The following STPG2 variants were observed in gnomAD, a reference collection of about 807,000 sequenced individuals.
STPG2 encodes sperm tail PG-rich repeat containing 2, also known as sperm-tail PG-rich repeat-containing protein 2.
A neutral mutation model predicts 54.2 loss-of-function variants in STPG2; 56 were observed. That is an observed-to-expected ratio of 1.03 (90% CI 0.83 to 1.29). The LOEUF (loss-of-function observed/expected upper bound fraction) is 1.29. Among genes scored for constraint, STPG2 ranks in the 50% most tolerant of loss-of-function variants. The pLI is 0.00. For missense variants in STPG2, 596 were observed against 544.9 expected (o/e 1.09, Z -0.93); for synonymous variants, 200 against 181.8 (o/e 1.10, Z -0.81).
chr4:97,580,107 G>A (rs535800979), intron 10 of STPG2, among the ~76,000 whole-genome samples: 80 of 151,826 alleles, frequency 5.3e-4, no homozygotes, highest in African/African-American at 1.3e-3. Context: ...CTAATTAACC[G>A]AAGTCAAAAT....
chr4:97,531,410 A>T lies in STPG2; in HGVS notation c.462+181289T>A, dbSNP rs1291110012. Among the ~76,000 whole-genome samples, 3 of 152,228 alleles carry T rather than the reference A, an allele frequency of 2.0e-5. No homozygotes were observed. The East Asian group carries it at 5.8e-4, about 29-fold the overall frequency. ...ACTGAAGAGATATATCTGCTTTCCT[A>T]TACTTGTTGCAGCACTGTTCACAAT... On this transcript the variant is annotated intron_variant, in intron 4 of 4. Coordinates refer to the STPG2 transcript ENST00000522676.
At chr4:97,658,004 T>C (rs1245134198) in intron 10 of STPG2, among the ~76,000 whole-genome samples, 6 of 152,218 alleles carry the variant, frequency 3.9e-5, no homozygotes, top group Non-Finnish European at 8.8e-5. Context: ...GATGAGATTT[T>C]ACAAGAAGAA....
In STPG2 at chr4:97,967,552, T is replaced by C. The variant is rs530101410; in HGVS notation, c.933+4728A>G. Among the ~76,000 whole-genome samples the C allele has an allele frequency of 2.0e-5, 3 of 152,228 alleles. No individual in the cohort carries two copies. The South Asian group carries it at 6.2e-4, about 32-fold the overall frequency. Reference sequence around the variant, plus strand: ...CTCTCCACCCCAAATCAACAGAATATACATTCTTCTCAGCACCACACTGCA... The same window carrying C: ...CTCTCCACCCCAAATCAACAGAATACACATTCTTCTCAGCACCACACTGCA... On this transcript the variant is annotated intron_variant, in intron 7 of 10. Transcript: ENST00000295268.
chr4:98,010,377 C>A (rs1240550373), intron 5 of STPG2, among the ~76,000 whole-genome samples: 1 of 151,994 alleles, frequency 6.6e-6, no homozygotes, highest in Non-Finnish European at 1.5e-5. Context: ...ATATAATGAC[C>A]TTCTTTGTCT....
chr4:97,810,402 T>G (rs1420919354), intron 9 of STPG2, among the ~76,000 whole-genome samples: 1 of 149,402 alleles, frequency 6.7e-6, no homozygotes, highest in Non-Finnish European at 1.5e-5. Context: ...GGGCAGAGGT[T>G]GCAGTGAGCC....
chr4:97,609,649 T>C (rs1733684744), intron 10 of STPG2, among the ~76,000 whole-genome samples: 2 of 151,978 alleles, frequency 1.3e-5, no homozygotes, highest in Admixed American at 1.3e-4. Flanking sequence ...AATGGGGATG[T>C]TTGTAATGCC....
intron 8 of STPG2, among the ~76,000 whole-genome samples, chr4:97,866,200 C>G (rs1275150123): frequency 2.0e-5 from 3 of 151,784 alleles, no homozygotes; most frequent in Non-Finnish European, 2.9e-5. Flanking sequence ...AACAGGGTAA[C>G]TACAGTCAAC....
chr4:98,058,987 A>T (rs1737562867), intron 5 of STPG2, among the ~76,000 whole-genome samples: 1 of 151,944 alleles, frequency 6.6e-6, no homozygotes, highest in South Asian at 2.1e-4. Context: ...AGACAAAAAA[A>T]AAAAAACAGA....
At chr4:98,010,246 CTT>C (rs1270933863) in intron 5 of STPG2, among the ~76,000 whole-genome samples, 1 of 152,072 alleles carries the variant, frequency 6.6e-6, no homozygotes, top group African/African-American at 2.4e-5. Context: ...AAAATTCCCT[CTT>C]GACACTGCTT....
At chr4:97,715,090 G>T (rs917059709) in intron 9 of STPG2, among the ~76,000 whole-genome samples, 1 of 152,080 alleles carries the variant, frequency 6.6e-6, no homozygotes, top group African/African-American at 2.4e-5. Context: ...CTCCATTTTA[G>T]CACTTAGCCT....
intron 9 of STPG2, among the ~76,000 whole-genome samples, chr4:97,763,013 C>A (rs941517494): frequency 1.3e-5 from 2 of 152,018 alleles, no homozygotes; most frequent in Non-Finnish European, 2.9e-5. Context: ...CCCATTGTTG[C>A]CGTAACAAAC....
intron 10 of STPG2, among the ~76,000 whole-genome samples, chr4:97,615,952 A>G (rs72890850): frequency 0.13 from 19,669 of 147,628 alleles, 3,907 homozygotes; most frequent in African/African-American, 0.43. Flanking sequence ...TAGAAGAATC[A>G]CTTGAACCTG....
intron 8 of STPG2, among the ~76,000 whole-genome samples, chr4:97,854,145 C>T (rs113153365): frequency 1.3e-5 from 2 of 152,078 alleles, no homozygotes; most frequent in Admixed American, 6.6e-5. Flanking sequence ...TTTTAGCATC[C>T]GTCTATCAGC....
At chr4:97,562,650 A>C (rs1271329245) in intron 10 of STPG2, among the ~76,000 whole-genome samples, 2 of 152,126 alleles carry the variant, frequency 1.3e-5, no homozygotes, top group African/African-American at 4.8e-5. Context: ...TTTTAGCATG[A>C]AGGGTTGTTG....
At chr4:98,097,587 C>T (rs112453241) in intron 5 of STPG2, among the ~76,000 whole-genome samples, 2 of 152,236 alleles carry the variant, frequency 1.3e-5, no homozygotes, top group South Asian at 4.1e-4. Context: ...TGTCCACTTT[C>T]ACCACTGTTA....
intron 5 of STPG2, among the ~76,000 whole-genome samples, chr4:98,028,535 A>G (rs913970487): frequency 3.3e-5 from 5 of 152,210 alleles, no homozygotes; most frequent in African/African-American, 4.8e-5. Flanking sequence ...CACTAGCAGT[A>G]AGTATCTTTA....
chr4:97,509,847 T>C (rs1032134550), intron 4 of STPG2, among the ~76,000 whole-genome samples: 2 of 152,062 alleles, frequency 1.3e-5, no homozygotes, highest in Admixed American at 1.3e-4. Context: ...AATTGATTAT[T>C]AGAATTAATT....
At chr4:98,122,133 T>C (rs908412969) in intron 3 of STPG2, among the ~76,000 whole-genome samples, 1 of 152,166 alleles carries the variant, frequency 6.6e-6, no homozygotes, top group African/African-American at 2.4e-5. Context: ...TGTAGAATCA[T>C]GTCACCTGCA....
At chr4:98,058,319 TCA>T (rs1184198794) in intron 5 of STPG2, among the ~76,000 whole-genome samples, 2 of 152,128 alleles carry the variant, frequency 1.3e-5, no homozygotes, top group African/African-American at 2.4e-5. Flanking sequence ...GAGACTCATC[TCA>T]CACACAGTGA....
Sources: allele counts gnomAD v4.1 joint callset (sites outside exome capture counted in the v4.1 genomes callset), GRCh38; gene constraint gnomAD v4.1.1; transcripts MANE v1.5; gene names NCBI Gene and HGNC (gene_info 2026-07-23, HGNC 2026-07-21).